The following MYO16 variants were observed in gnomAD, a reference collection of about 807,000 sequenced individuals.
MYO16 encodes the protein unconventional myosin-XVI.
Under a neutral mutation model 205.3 loss-of-function variants are expected in MYO16, and 94 were observed. That is an observed-to-expected ratio of 0.46 (90% CI 0.39 to 0.54). The LOEUF is 0.54. Among genes scored for constraint, MYO16 ranks in the 20% least tolerant of loss-of-function variants. The pLI is 0.00. For synonymous variants in MYO16, 988 were observed against 954.0 expected, an observed-to-expected ratio of 1.04 and a Z score of -0.66; for missense variants, 2,315 against 2,387.5, an observed-to-expected ratio of 0.97 and a Z score of 0.63.
chr13:108,737,186 G>C (rs149028209), intron 4 of MYO16, among the ~76,000 whole-genome samples: 3,368 of 152,168 alleles, frequency 0.022, 58 homozygotes, highest in Non-Finnish European at 0.034. Context: ...TGAATAGGAG[G>C]GGTGAGAGAG....
chr13:108,553,017 T>G, the MYO16 span, among the ~76,000 whole-genome samples: 1 of 114,890 alleles, frequency 8.7e-6, no homozygotes. Flanking sequence ...TTTTTTTTTT[T>G]TTTTTTTTTT....
At position 108,714,581 on chromosome 13, in the gene MYO16, C is replaced by CGTGTGTGTGTCT. The variant is rs767136788; in HGVS notation, c.363+1861_363+1872dup. On this transcript the variant is annotated intron_variant, in intron 3 of 34. Transcript: ENST00000457511. ...ACAGGGAGAGACTGTCACTTCTTCACGTGTGTGTGTCTGTGTGTGTGTGTG... is the reference window on the plus strand; with the variant it reads ...ACAGGGAGAGACTGTCACTTCTTCACGTGTGTGTGTCTGTGTGTGTGTCTGTGTGTGTGTGTG... Among the ~76,000 whole-genome samples, 10 of 130,410 alleles carry CGTGTGTGTGTCT rather than the reference C, an allele frequency of 7.7e-5. 1 individual carries two copies. The South Asian group carries it at 1.4e-3, about 19-fold the overall frequency. 85.6% of individuals were successfully genotyped at this position (130,410 alleles called of 152,430 possible).
In MYO16 at chr13:108,663,854, A is replaced by G. The variant is rs574242899; in HGVS notation, c.29-2032A>G. Among the ~76,000 whole-genome samples the G allele has an allele frequency of 2.6e-5, 4 of 152,178 alleles. 1 individual carries two copies. The highest frequency in any genetic ancestry group is 9.6e-5 in the African/African-American group (4 of 41,478). On this transcript the variant is annotated intron_variant, in intron 1 of 34. Coordinates refer to ENST00000457511, the MANE Select transcript of MYO16 (RefSeq NM_001198950.3). ...TAGGCTTTTTTTTGTGGCCCTGTTG[A>G]TCCCCTGGGCACCTAATGACAAGCC...
chr13:109,116,807 T>TG (rs1875712903), intron 28 of MYO16, among the ~76,000 whole-genome samples: 1 of 152,038 alleles, frequency 6.6e-6, no homozygotes, highest in Non-Finnish European at 1.5e-5. Context: ...ATGGGGATAA[T>TG]GGCTGGGAAG....
upstream of MYO16, chr13:108,629,601 T>C (rs1879880958): frequency 1.7e-5 from 8 of 464,860 alleles, no homozygotes; most frequent in East Asian, 2.5e-4. Context: ...GGTGCTACAA[T>C]AGCACGTGCA....
intron 21 of MYO16, among the ~76,000 whole-genome samples, chr13:109,001,205 A>G (rs1408446548): frequency 6.6e-6 from 1 of 150,678 alleles, no homozygotes; most frequent in East Asian, 1.9e-4. Flanking sequence ...GAAAAGGAAG[A>G]GAAGGGGATT....
intron 1 of MYO16, among the ~76,000 whole-genome samples, chr13:108,610,549 T>C (rs1879135182): frequency 6.6e-6 from 1 of 152,216 alleles, no homozygotes; most frequent in Non-Finnish European, 1.5e-5. Context: ...AGCACAGTGC[T>C]ACTCTAAAAT....
At chr13:108,972,927 A>G (rs887832457) in intron 20 of MYO16, among the ~76,000 whole-genome samples, 10 of 151,922 alleles carry the variant, frequency 6.6e-5, no homozygotes, top group Admixed American at 6.6e-5. Flanking sequence ...GCCAGTGGAC[A>G]GGGGCTCACG....
intron 30 of MYO16, among the ~76,000 whole-genome samples, chr13:109,126,338 G>A (rs937706068): frequency 6.6e-6 from 1 of 152,092 alleles, no homozygotes; most frequent in Admixed American, 6.6e-5. Flanking sequence ...CTACATGGGC[G>A]GCTGGCTCTG....
At chr13:108,687,920 C>A (rs780359806) in intron 2 of MYO16, among the ~76,000 whole-genome samples, 5 of 152,166 alleles carry the variant, frequency 3.3e-5, no homozygotes, top group East Asian at 3.9e-4. Flanking sequence ...GATATTTGGA[C>A]TGTGAGAACG....
In MYO16 at chr13:109,019,841, A is replaced by AGGATGG. The variant is rs1344882934; in HGVS notation, c.2728_2733dup (p.Asp910_Gly911dup). The AGGATGG allele has an allele frequency of 6.2e-7, 1 of 1,614,044 alleles. No individual in the cohort carries two copies. The highest frequency in any genetic ancestry group is 1.3e-5 in the African/African-American group (1 of 74,940). On this transcript the variant is annotated inframe_insertion, in exon 23 of 35. Coordinates refer to ENST00000457511, the MANE Select transcript of MYO16 (RefSeq NM_001198950.3). ...ACAAATGCGGTGTACTCCCCCATGAAGGATGGGAATGGGAATGTTGCCCTC... is the reference window on the plus strand; with the variant it reads ...ACAAATGCGGTGTACTCCCCCATGAAGGATGGGGATGGGAATGGGAATGTTGCCCTC...
At chr13:109,010,690 G>T (rs886447828) in intron 22 of MYO16, among the ~76,000 whole-genome samples, 1 of 152,036 alleles carries the variant, frequency 6.6e-6, no homozygotes, top group Non-Finnish European at 1.5e-5. Flanking sequence ...CTTCTGCTGT[G>T]TGTCTTGTGT....
At chr13:109,172,177 T>C (rs1288328758) in intron 33 of MYO16, among the ~76,000 whole-genome samples, 1 of 152,236 alleles carries the variant, frequency 6.6e-6, no homozygotes, top group Non-Finnish European at 1.5e-5. Context: ...TTAATATGTA[T>C]TTTACAACAT....
chr13:108,774,499 C>G (rs1298695671), intron 4 of MYO16, among the ~76,000 whole-genome samples: 1 of 152,072 alleles, frequency 6.6e-6, no homozygotes, highest in African/African-American at 2.4e-5. Flanking sequence ...ATTGATTTTG[C>G]ACATATAACA....
At chr13:108,671,445 T>C (rs1379190364) in intron 2 of MYO16, among the ~76,000 whole-genome samples, 1 of 152,210 alleles carries the variant, frequency 6.6e-6, no homozygotes, top group Non-Finnish European at 1.5e-5. Context: ...AGGCAACCTA[T>C]ATAATTTCAT....
chr13:109,081,422 A>T (rs1344751563), intron 27 of MYO16, among the ~76,000 whole-genome samples: 2 of 152,164 alleles, frequency 1.3e-5, no homozygotes, highest in African/African-American at 4.8e-5. Context: ...CTACATGTTG[A>T]GGATACAAAG....
intron 16 of MYO16, among the ~76,000 whole-genome samples, chr13:108,913,491 T>G (rs151137354): frequency 6.6e-6 from 1 of 152,356 alleles, no homozygotes; most frequent in East Asian, 1.9e-4. Context: ...GTATCTAATC[T>G]TTATTTGGTA....
At chr13:109,134,081 T>C (rs1346645638) in intron 31 of MYO16, among the ~76,000 whole-genome samples, 2 of 152,234 alleles carry the variant, frequency 1.3e-5, no homozygotes, top group Admixed American at 1.3e-4. Flanking sequence ...ATGTCGATCA[T>C]GATGGATACT....
At chr13:109,090,016 A>T (rs1179128627) in intron 27 of MYO16, among the ~76,000 whole-genome samples, 3 of 152,198 alleles carry the variant, frequency 2.0e-5, no homozygotes, top group Non-Finnish European at 2.9e-5. Flanking sequence ...TTGCATGGGA[A>T]AGACGTTTGC....
Sources: allele counts gnomAD v4.1 joint callset (sites outside exome capture counted in the v4.1 genomes callset), GRCh38; gene constraint gnomAD v4.1.1; transcripts MANE v1.5; gene names NCBI Gene and HGNC (gene_info 2026-07-23, HGNC 2026-07-21).